The following R3HDM2 variants were observed in gnomAD, a reference collection of about 807,000 sequenced individuals.
R3HDM2 encodes R3H domain containing 2, also known as R3H domain-containing protein 2.
A neutral mutation model predicts 124.5 loss-of-function variants in R3HDM2; 38 were observed. That is an observed-to-expected ratio of 0.31 (90% CI 0.24 to 0.40). The LOEUF (loss-of-function observed/expected upper bound fraction) is 0.40, where lower values mean the gene tolerates loss of function less well. Among genes scored for constraint, R3HDM2 ranks in the 10% least tolerant of loss-of-function variants. R3HDM2 has a pLI of 1.00. For missense variants in R3HDM2, 869 were observed against 1,236.9 expected (o/e 0.70, Z 4.46); for synonymous variants, 391 against 448.0 (o/e 0.87, Z 1.61).
intron 23 of R3HDM2, among the ~76,000 whole-genome samples, chr12:57,255,348 G>A (rs984364283): frequency 1.5e-4 from 23 of 152,166 alleles, no homozygotes; most frequent in African/African-American, 5.6e-4. Context: ...CAGGAAAGAA[G>A]GGACAGGGAA....
intron 2 of R3HDM2, among the ~76,000 whole-genome samples, chr12:57,339,247 T>A (rs1011395557): frequency 1.3e-5 from 2 of 151,920 alleles, no homozygotes; most frequent in African/African-American, 4.8e-5. Flanking sequence ...TCCATCCGCC[T>A]CAGCCTCCCA....
chr12:57,395,857 C>T (rs1594444699), intron 1 of R3HDM2, 39 bp from the exon 2 acceptor site: 2 of 893,010 alleles, frequency 2.2e-6, no homozygotes, highest in African/African-American at 3.6e-5. Context: ...AAGTTAAAAG[C>T]AATTTTAAAC....
chr12:57,307,219 A>G (rs976052152), intron 3 of R3HDM2, among the ~76,000 whole-genome samples: 5 of 152,186 alleles, frequency 3.3e-5, no homozygotes, highest in Non-Finnish European at 7.3e-5. Flanking sequence ...AATTCATAAC[A>G]GGGACTTTTT....
At chr12:57,314,272 G>A (rs967723085) in intron 2 of R3HDM2, among the ~76,000 whole-genome samples, 2 of 151,862 alleles carry the variant, frequency 1.3e-5, no homozygotes, top group Non-Finnish European at 2.9e-5. Context: ...CTGAGGTCAG[G>A]AGTTAGAGAC....
intron 2 of R3HDM2, among the ~76,000 whole-genome samples, chr12:57,327,609 T>A (rs757566450): frequency 6.6e-6 from 1 of 152,150 alleles, no homozygotes; most frequent in Non-Finnish European, 1.5e-5. Context: ...TTGTGATTTA[T>A]GAGAGGAGGT....
intron 11 of R3HDM2, among the ~76,000 whole-genome samples, chr12:57,289,413 AGGAAG>A (rs2048120531): frequency 6.6e-6 from 1 of 152,176 alleles, no homozygotes; most frequent in Non-Finnish European, 1.5e-5. Flanking sequence ...GTGTGTTCAA[AGGAAG>A]GGAAAAGGGA....
intron 7 of R3HDM2, 135 bp downstream of exon 7, chr12:57,297,955 C>T: frequency 1.4e-6 from 1 of 700,124 alleles, no homozygotes; most frequent in Non-Finnish European, 2.6e-6. Flanking sequence ...TAAAACTATA[C>T]CTGACAAATA....
intron 1 of R3HDM2, among the ~76,000 whole-genome samples, chr12:57,406,002 T>C (rs1053866102): frequency 6.6e-6 from 1 of 151,964 alleles, no homozygotes; most frequent in African/African-American, 2.4e-5. Context: ...TTGCCAAAGA[T>C]GAGACAATGA....
At position 57,295,315 on chromosome 12, in the gene R3HDM2, C is replaced by G. The variant is rs1000740422; in HGVS notation, c.810+84G>C. ...TCCGTACTAAGATATTTTGAGTTTT[C>G]TCCATCCCACAAAAATTCTTCTCCC... On this transcript the variant is annotated intron_variant, in intron 10 of 23. Coordinates refer to ENST00000402412, the MANE Select transcript of R3HDM2 (RefSeq NM_001394031.1). The G allele has an allele frequency of 3.3e-6, 3 of 913,498 alleles. No individual in the cohort carries two copies. The African/African-American group carries it at 5.0e-5, about 15-fold the overall frequency. 56.6% of individuals were successfully genotyped at this position (913,498 alleles called of 1,614,324 possible).
chr12:57,424,054 C>T lies in R3HDM2; in HGVS notation c.-106+6666G>A, dbSNP rs1247587991. ...GCTTGGACCCAGGAGTCGGAGGTTG[C>T]GGTGAGCCAAGATCGCGCCATTGCA... is the stretch of plus-strand genomic sequence containing the variant. On this transcript the variant is annotated intron_variant, in intron 1 of 23. Transcript: ENST00000402412. 6.7e-5 allele frequency among the ~76,000 whole-genome samples: 8 copies of T among 120,064 alleles called. No individual in the cohort carries two copies. In the East Asian group the frequency reaches 1.5e-3, roughly 22 times the overall value. 78.8% of individuals were successfully genotyped at this position (120,064 alleles called of 152,430 possible). A position where few individuals can be genotyped will look rare whatever the true frequency, so the allele number is the denominator to read the frequency against.
intron 1 of R3HDM2, among the ~76,000 whole-genome samples, chr12:57,405,449 CAT>C (rs1355596500): frequency 6.6e-6 from 1 of 152,046 alleles, no homozygotes; most frequent in Non-Finnish European, 1.5e-5. Flanking sequence ...GCCTGGGCAA[CAT>C]AGTGAGACCT....
Position 57,280,411 on chromosome 12 carries a change from G to C in R3HDM2, c.1291C>G (p.Leu431Val), listed in dbSNP as rs2137890760. ...QQQQQQQLPA[L>V]PPTPQQQPPL... Reference sequence around the variant, plus strand: ...GGCTGTTGCTGAGGCGTGGGTGGGAGAGCAGGAAGTTGCTGCTGCTGCTGC... The same window carrying C: ...GGCTGTTGCTGAGGCGTGGGTGGGACAGCAGGAAGTTGCTGCTGCTGCTGC... Residue 431 changes from leucine (L) to valine (V), a missense_variant, in exon 14 of 24, where the codon CTC (leucine) becomes GTC (valine). Leu to Val is a conservative substitution (Grantham distance 32). Around this residue, in one of 2 missense-constraint regions of R3HDM2, gnomAD observed 602 missense variants for 789.2 expected, o/e 0.76. Coordinates refer to ENST00000402412, the MANE Select transcript of R3HDM2 (RefSeq NM_001394031.1). 6.2e-7 allele frequency: 1 copy of C among 1,614,146 alleles called. No homozygotes were observed. Among genetic ancestry groups the C allele is most frequent in the East Asian group, 2.2e-5 (1 of 44,880 alleles).
intron 2 of R3HDM2, among the ~76,000 whole-genome samples, chr12:57,355,694 C>A (rs1453554259): frequency 6.6e-6 from 1 of 152,088 alleles, no homozygotes; most frequent in African/African-American, 2.4e-5. Flanking sequence ...TGCTTCCAGA[C>A]AAATTTTGTC....
intron 2 of R3HDM2, among the ~76,000 whole-genome samples, chr12:57,334,478 C>T (rs1451982800): frequency 6.9e-6 from 1 of 145,872 alleles, no homozygotes; most frequent in Non-Finnish European, 1.5e-5. Context: ...TTTCCCTTGC[C>T]TTTTTTTTTT....
intron 18 of R3HDM2, among the ~76,000 whole-genome samples, chr12:57,267,101 C>T (rs2042597143): frequency 6.6e-6 from 1 of 152,174 alleles, no homozygotes; most frequent in African/African-American, 2.4e-5. Context: ...ACACTGGAAA[C>T]ACCAGACACA....
chr12:57,297,288 C>T lies in R3HDM2; in HGVS notation c.560+40G>A. 3.7e-6 allele frequency: 4 copies of T among 1,091,736 alleles called. No homozygotes were observed. In the East Asian group the frequency reaches 1.1e-4, roughly 29 times the overall value. The allele number at this position is 1,091,736 out of a possible 1,614,324, so 67.6% of individuals were successfully genotyped here. A position where few individuals can be genotyped will look rare whatever the true frequency, so the allele number is the denominator to read the frequency against. On this transcript the variant is annotated intron_variant, in intron 8 of 23. Coordinates refer to ENST00000402412, the MANE Select transcript of R3HDM2 (RefSeq NM_001394031.1). ...GTACCTAAATTTATTTCCAGTGCCC[C>T]CTCCCACCTCTAATTATATATTTCA...
chr12:57,401,343 A>G (rs2068030656), intron 1 of R3HDM2, among the ~76,000 whole-genome samples: 1 of 151,916 alleles, frequency 6.6e-6, no homozygotes, highest in African/African-American at 2.4e-5. Context: ...GAACCTAACC[A>G]TCATGCAAAG....
intron 8 of R3HDM2, 79 bp downstream of exon 8, chr12:57,297,248 AC>A: frequency 1.3e-6 from 1 of 745,966 alleles, no homozygotes; most frequent in Non-Finnish European, 2.2e-6. Context: ...TTCAAGGGGA[AC>A]ATCTCCTAAA....
chr12:57,375,471 G>T (rs1469834708), intron 2 of R3HDM2, among the ~76,000 whole-genome samples: 1 of 152,048 alleles, frequency 6.6e-6, no homozygotes, highest in Non-Finnish European at 1.5e-5. Context: ...GGAAAAAAAT[G>T]GCTATATCTC....
Sources: allele counts gnomAD v4.1 joint callset (sites outside exome capture counted in the v4.1 genomes callset), GRCh38; gene constraint gnomAD v4.1.1; regional missense constraint gnomAD v4.1.1; transcripts MANE v1.5; gene names NCBI Gene and HGNC (gene_info 2026-07-23, HGNC 2026-07-21).